RAB5A: variants seen among roughly 807,000 people sequenced by gnomAD.
RAB5A encodes RAB5A, member RAS oncogene family.
In RAB5A, 8 loss-of-function variants were observed where a neutral mutation model predicts 25.7. The ratio of observed to expected loss-of-function variants is 0.31; its 90% CI spans 0.18 to 0.56. The LOEUF (loss-of-function observed/expected upper bound fraction) is 0.56. Ranked by LOEUF, RAB5A falls within the 20% of genes least tolerant of loss-of-function variation. RAB5A has a pLI of 0.91. For missense variants in RAB5A, 192 were observed against 259.7 expected (o/e 0.74, Z 1.79); for synonymous variants, 98 against 89.8 (o/e 1.09, Z -0.52).
chr3:19,960,328 G>T (rs1269387794), intron 2 of RAB5A, among the ~76,000 whole-genome samples: 2 of 152,056 alleles, frequency 1.3e-5, no homozygotes, highest in African/African-American at 4.8e-5. Context: ...TTTGAGATGG[G>T]GTCTCGCTCT....
At chr3:19,966,197 C>G (rs924177519) in intron 2 of RAB5A, among the ~76,000 whole-genome samples, 7 of 152,106 alleles carry the variant, frequency 4.6e-5, no homozygotes, top group African/African-American at 1.7e-4. Context: ...CAATAACTAC[C>G]CCTTCTTCCC....
intron 5 of RAB5A, among the ~76,000 whole-genome samples, chr3:19,982,377 A>G (rs1309005537): frequency 1.3e-5 from 2 of 152,168 alleles, no homozygotes; most frequent in Non-Finnish European, 2.9e-5. Context: ...GTGTGTGAGT[A>G]TGTTTCCTCC....
chr3:19,950,396 A>T (rs1696406051), intron 1 of RAB5A, among the ~76,000 whole-genome samples: 1 of 152,254 alleles, frequency 6.6e-6, no homozygotes, highest in South Asian at 2.1e-4. Context: ...CTGGCTACAG[A>T]ACTTGAACTC....
intron 2 of RAB5A, among the ~76,000 whole-genome samples, chr3:19,957,170 C>T (rs891928233): frequency 2.0e-5 from 3 of 150,274 alleles, no homozygotes; most frequent in Non-Finnish European, 4.4e-5. Flanking sequence ...CTACAGCAGT[C>T]CTCCCACCTC....
intron 2 of RAB5A, among the ~76,000 whole-genome samples, chr3:19,968,639 A>G (rs1175577356): frequency 3.3e-5 from 5 of 151,954 alleles, no homozygotes; most frequent in African/African-American, 1.2e-4. Flanking sequence ...TTGTATTTTT[A>G]ATAGAGAGCC....
At chr3:19,979,888 C>T (rs1696889937) in intron 5 of RAB5A, 1 of 151,888 alleles carries the variant, frequency 6.6e-6, no homozygotes, top group Non-Finnish European at 1.5e-5. Context: ...CAGTCCTAAC[C>T]CCAAGTAAGA....
At chr3:19,966,151 T>A (rs1696659234) in intron 2 of RAB5A, among the ~76,000 whole-genome samples, 1 of 152,192 alleles carries the variant, frequency 6.6e-6, no homozygotes, top group Non-Finnish European at 1.5e-5. Flanking sequence ...TATCCAAAAC[T>A]TTATCTTCCC....
At chr3:19,970,697 A>T in intron 2 of RAB5A, 1 of 425,094 alleles carries the variant, frequency 2.4e-6, no homozygotes, top group South Asian at 1.7e-5. Context: ...TGGATAAATT[A>T]AAGTGGTTTT....
At position 19,982,648 on chromosome 3, in the gene RAB5A, A is replaced by G. The variant is rs1033911754; in HGVS notation, c.533-1060A>G. The stretch of plus-strand genomic sequence containing the variant: ...AGAGTTGCTTGAGCCCAAGAGTTCA[A>G]GACCAGCCTAGGCAACAAAGTGAGA... On this transcript the variant is annotated intron_variant, in intron 5 of 5. Coordinates refer to ENST00000273047, the MANE Select transcript of RAB5A (RefSeq NM_004162.5). Among the ~76,000 whole-genome samples, 4 of 152,058 alleles carry G rather than the reference A, an allele frequency of 2.6e-5. No homozygotes were observed. In the South Asian group the frequency reaches 8.3e-4, roughly 32 times the overall value.
intron 2 of RAB5A, among the ~76,000 whole-genome samples, chr3:19,973,051 A>G (rs1696774370): frequency 6.6e-6 from 1 of 152,264 alleles, no homozygotes; most frequent in African/African-American, 2.4e-5. Flanking sequence ...CGTGAGGTGC[A>G]GGCATTGTAT....
intron 2 of RAB5A, among the ~76,000 whole-genome samples, chr3:19,960,807 A>T (rs1256418551): frequency 6.6e-6 from 1 of 152,218 alleles, no homozygotes; most frequent in African/African-American, 2.4e-5. Context: ...TAGAAGCAGG[A>T]TGAAGAACCG....
rs1190653315 is a variant in RAB5A at position 19,978,329 on chromosome 3, A to G, written c.458A>G (p.Asp153Gly). The G allele has an allele frequency of 1.9e-5, 30 of 1,610,080 alleles. No individual in the cohort carries two copies. The highest frequency in any genetic ancestry group is 4.0e-5 in the African/African-American group (3 of 74,826). ...VDFQEAQSYA[D>G]DNSLLFMETS... is the part of the protein sequence containing the mutation. ...AAACAGGAAGCACAGTCCTATGCAG[A>G]TGACAATAGTTTATTATTCATGGAG... is the stretch of plus-strand genomic sequence containing the variant. The change falls in exon 5 of 6, where the codon GAT becomes GGT. Residue 153 changes from aspartate to glycine, a missense_variant. Transcript: ENST00000273047.
At chr3:19,971,448 A>G (rs1171416167) in intron 2 of RAB5A, among the ~76,000 whole-genome samples, 5 of 151,956 alleles carry the variant, frequency 3.3e-5, no homozygotes, top group Non-Finnish European at 5.9e-5. Context: ...CCACATGAAC[A>G]GTAGTACGGT....
intron 2 of RAB5A, among the ~76,000 whole-genome samples, chr3:19,962,319 CAGCACTTTGGGAGACTG>C (rs1245971076): frequency 2.6e-5 from 4 of 152,148 alleles, no homozygotes; most frequent in African/African-American, 9.7e-5. Flanking sequence ...CCTGTAATCC[CAGCACTTTGGGAGACTG>C]AGGTGGGCAG....
chr3:19,980,350 G>GT (rs1373462179), intron 5 of RAB5A, among the ~76,000 whole-genome samples: 3 of 151,650 alleles, frequency 2.0e-5, no homozygotes, highest in Non-Finnish European at 4.4e-5. Context: ...TTAGTTTTTT[G>GT]TTTTTTTCTG....
At chr3:19,957,504 A>G (rs1169414001) in intron 2 of RAB5A, among the ~76,000 whole-genome samples, 1 of 151,998 alleles carries the variant, frequency 6.6e-6, no homozygotes, top group Non-Finnish European at 1.5e-5. Context: ...AAAAAAAAAA[A>G]AAGCAAACAT....
rs746746020 is a variant in RAB5A at position 19,983,870 on chromosome 3, T to A, written c.*47T>A. ...GAATAGTCTTCTGCTTCCTAAATGT[T>A]AATAACAATGGAATTGGAGCATTTA... is the stretch of plus-strand genomic sequence containing the variant. On this transcript the variant is annotated 3_prime_UTR_variant, in exon 6 of 6. Transcript: ENST00000273047. The A allele has an allele frequency of 4.6e-6, 6 of 1,297,482 alleles. No individual in the cohort carries two copies. In the African/African-American group the frequency reaches 7.4e-5, roughly 16 times the overall value. The allele number at this position is 1,297,482 out of a possible 1,614,324, so 80.4% of individuals were successfully genotyped here.
At position 19,978,417 on chromosome 3, in the gene RAB5A, C is replaced by T. The variant is rs1277444706; in HGVS notation, c.532+14C>T. 6.5e-7 allele frequency: 1 copy of T among 1,528,832 alleles called. No individual in the cohort carries two copies. The highest frequency in any genetic ancestry group is 1.7e-5 in the Admixed American group (1 of 57,822). The allele number at this position is 1,528,832 out of a possible 1,614,324, so 94.7% of individuals were successfully genotyped here. A position where few individuals can be genotyped will look rare whatever the true frequency, so the allele number is the denominator to read the frequency against. ...TCATGGCAATAGGTAAGATTAATATCTCTTTTTAAATGATCAATATAAGCA... is the reference window on the plus strand; with the variant it reads ...TCATGGCAATAGGTAAGATTAATATTTCTTTTTAAATGATCAATATAAGCA... On this transcript the variant is annotated intron_variant, in intron 5 of 5. Coordinates refer to ENST00000273047, the MANE Select transcript of RAB5A (RefSeq NM_004162.5).
At chr3:19,948,627 C>T (rs1376660417) in intron 1 of RAB5A, among the ~76,000 whole-genome samples, 1 of 152,114 alleles carries the variant, frequency 6.6e-6, no homozygotes, top group African/African-American at 2.4e-5. Flanking sequence ...TAGTGTTATG[C>T]TAAGTGTATA....
Sources: allele counts gnomAD v4.1 joint callset (sites outside exome capture counted in the v4.1 genomes callset), GRCh38; gene constraint gnomAD v4.1.1; transcripts MANE v1.5; gene names NCBI Gene and HGNC (gene_info 2026-07-23, HGNC 2026-07-21).